Variants in MYO9B observed in about 807,000 individuals in gnomAD.
MYO9B encodes unconventional myosin-IXb.
MYO9B carries 71 observed loss-of-function variants against 229.5 expected under a neutral mutation model. That is an observed-to-expected ratio of 0.31 (90% confidence interval 0.26 to 0.38). The LOEUF (loss-of-function observed/expected upper bound fraction) is 0.38, where lower values mean the gene tolerates loss of function less well. Among genes scored for constraint, MYO9B ranks in the 10% least tolerant of loss-of-function variants. MYO9B has a pLI of 1.00. For synonymous variants in MYO9B, 1,185 were observed against 1,235.8 expected, an observed-to-expected ratio of 0.96 and a Z score of 0.86; for missense variants, 2,255 against 2,920.5, an observed-to-expected ratio of 0.77 and a Z score of 5.25.
At chr19:17,127,444 A>G (rs897751371) in intron 2 of MYO9B, among the ~76,000 whole-genome samples, 1 of 150,980 alleles carries the variant, frequency 6.6e-6, no homozygotes, top group African/African-American at 2.4e-5. Flanking sequence ...CTCCTGCCTC[A>G]GCCTCCCGAG....
chr19:17,133,125 C>T (rs184574158), intron 2 of MYO9B, among the ~76,000 whole-genome samples: 1 of 151,230 alleles, frequency 6.6e-6, no homozygotes, highest in East Asian at 2.0e-4. Flanking sequence ...GCATTACAGG[C>T]GTGAGCCACT....
intron 1 of MYO9B, among the ~76,000 whole-genome samples, chr19:17,090,099 A>G (rs2057622371): frequency 8.3e-6 from 1 of 120,308 alleles, no homozygotes; most frequent in African/African-American, 3.1e-5. Context: ...ACGTTATAGC[A>G]TGAATCGGTG....
chr19:17,162,004 A>G (rs1048726285), intron 8 of MYO9B, among the ~76,000 whole-genome samples: 3 of 151,124 alleles, frequency 2.0e-5, no homozygotes, highest in Non-Finnish European at 4.4e-5. Context: ...AAAAAAAAAA[A>G]AAGTACAAAG....
chr19:17,149,234 C>T (rs2072450410), intron 3 of MYO9B, among the ~76,000 whole-genome samples: 2 of 152,142 alleles, frequency 1.3e-5, no homozygotes, highest in Non-Finnish European at 2.9e-5. Context: ...CACCTTGGCC[C>T]CCCAAAGCTC....
chr19:17,131,975 G>A (rs61444454), intron 2 of MYO9B, among the ~76,000 whole-genome samples: 28,765 of 151,686 alleles, frequency 0.19, 2,966 homozygotes, highest in South Asian at 0.21. Flanking sequence ...AACCTCCTGG[G>A]CTCAAGTGAT....
intron 35 of MYO9B, 79 bp downstream of exon 35, chr19:17,207,323 GTAAA>G (rs2073173997): frequency 6.6e-7 from 1 of 1,516,542 alleles, no homozygotes; most frequent in Non-Finnish European, 8.9e-7. Flanking sequence ...CCATCCCTGT[GTAAA>G]TAAATGTGTA....
chr19:17,101,816 G>T lies in MYO9B; in HGVS notation c.99G>T (p.Ser33=). The T allele has an allele frequency of 1.2e-6, 2 of 1,608,322 alleles. No homozygotes were observed. The change falls in exon 2 of 40, where the codon TCG becomes TCT. Residue 33 remains serine (S), a synonymous_variant. Transcript: ENST00000682292. This position sits in a 1 kb window ranked among gnomAD's most constrained non-coding sequence, Gnocchi z 4.7. ...PQLSTTESQA[S]CRVTATKDST... ...TGTCCACCACCGAGAGCCAGGCCTC[G>T]TGCCGCGTGACTGCCACCAAGGACA...
At chr19:17,209,870 G>C (rs1485610766) in intron 36 of MYO9B, among the ~76,000 whole-genome samples, 161 bp downstream of exon 36, 2 of 152,112 alleles carry the variant, frequency 1.3e-5, no homozygotes, top group South Asian at 2.1e-4. Context: ...GGATGGGACC[G>C]GGTAGTGGGT....
chr19:17,153,963 G>C lies in MYO9B; in HGVS notation c.999-4G>C. 1.2e-6 allele frequency: 2 copies of C among 1,612,836 alleles called. No individual in the cohort carries two copies. Among genetic ancestry groups the C allele is most frequent in the Middle Eastern group, 1.6e-4 (1 of 6,062 alleles). On this transcript the variant is annotated splice_polypyrimidine_tract_variant and splice_region_variant and intron_variant, in intron 4 of 39. Coordinates refer to ENST00000682292, the MANE Select transcript of MYO9B (RefSeq NM_004145.4). The stretch of plus-strand genomic sequence containing the variant: ...ACTATTTTCCTCCCAATTTTGACCT[G>C]TAGGAACTACCATGTGTTTTATTAT...
chr19:17,208,868 G>A (rs2073192918), intron 35 of MYO9B, among the ~76,000 whole-genome samples: 1 of 151,840 alleles, frequency 6.6e-6, no homozygotes, highest in Non-Finnish European at 1.5e-5. Flanking sequence ...TCCAGACTGA[G>A]TCCCTCTGGT....
rs1357579042 is a variant in MYO9B, at chr19:17,127,114, C to T, written c.841-18283C>T. 8.5e-5 allele frequency among the ~76,000 whole-genome samples: 12 copies of T among 142,006 alleles called. No individual in the cohort carries two copies. In the East Asian group the frequency reaches 1.0e-3, roughly 12 times the overall value. 93.2% of individuals were successfully genotyped at this position (142,006 alleles called of 152,430 possible). A position where few individuals can be genotyped will look rare whatever the true frequency, so the allele number is the denominator to read the frequency against. On this transcript the variant is annotated intron_variant, in intron 2 of 39. Coordinates refer to ENST00000682292, the MANE Select transcript of MYO9B (RefSeq NM_004145.4). ...GCAACCTTTGCCTCCCAGGTTCAAGCGATTCTCCTGCCACAGCCTCCCAAG... is the reference window on the plus strand; with the variant it reads ...GCAACCTTTGCCTCCCAGGTTCAAGTGATTCTCCTGCCACAGCCTCCCAAG...
intron 1 of MYO9B, among the ~76,000 whole-genome samples, chr19:17,079,100 CATGG>C (rs1011400469): frequency 3.3e-5 from 5 of 152,204 alleles, no homozygotes; most frequent in African/African-American, 1.2e-4. Context: ...TGACTCCAGC[CATGG>C]CCACGTGTCC....
intron 4 of MYO9B, 77 bp from the exon 5 acceptor site, chr19:17,153,890 A>G (rs569650349): frequency 1.9e-6 from 2 of 1,037,986 alleles, no homozygotes; most frequent in Admixed American, 1.7e-5. Flanking sequence ...CTCCAAAGCC[A>G]TGTTAGTAGT....
Position 17,180,341 on chromosome 19 carries a change from A to ATTT in MYO9B, c.2220-563_2220-561dup, listed in dbSNP as rs776734202. 1.2e-3 allele frequency among the ~76,000 whole-genome samples: 107 copies of ATTT among 87,978 alleles called. 2 individuals are homozygous for ATTT. The highest frequency in any genetic ancestry group is 1.6e-3 in the Non-Finnish European group (76 of 48,442). 57.7% of individuals were successfully genotyped at this position (87,978 alleles called of 152,430 possible). On this transcript the variant is annotated intron_variant, in intron 14 of 39. Transcript: ENST00000682292. ...AAAGTGGAATGACCAGATGGAAATA[A>ATTT]TTTTTTTTTTTTTTTTTTTTTTTTT... is the stretch of plus-strand genomic sequence containing the variant.
In MYO9B at chr19:17,101,010, C is replaced by A. The variant is rs1026615384; in HGVS notation, c.-58-650C>A. 2.7e-5 allele frequency among the ~76,000 whole-genome samples: 4 copies of A among 149,982 alleles called. No individual in the cohort carries two copies. Among genetic ancestry groups the A allele is most frequent in the Non-Finnish European group, 4.4e-5 (3 of 67,734 alleles). ...GGGGAGGTTTATTCAGAGATGAGGTCAGGAAGGATGTGGGCTGGGAAGGGC... is the reference window on the plus strand; with the variant it reads ...GGGGAGGTTTATTCAGAGATGAGGTAAGGAAGGATGTGGGCTGGGAAGGGC... On this transcript the variant is annotated intron_variant, in intron 1 of 39. Transcript: ENST00000682292. The surrounding 1 kb of genome is among the most constrained non-coding windows in gnomAD (Gnocchi z 4.7).
intron 2 of MYO9B, among the ~76,000 whole-genome samples, chr19:17,120,694 C>T (rs1401365708): frequency 6.7e-6 from 1 of 149,986 alleles, no homozygotes; most frequent in Non-Finnish European, 1.5e-5. Flanking sequence ...ATGTATATCT[C>T]CTTTATGCTA....
Position 17,195,596 on chromosome 19 carries a change from TGA to T in MYO9B, c.4046+125_4046+126del. 1 of 1,272,236 alleles carries T rather than the reference TGA, an allele frequency of 7.9e-7. No individual in the cohort carries two copies. Among genetic ancestry groups the T allele is most frequent in the Non-Finnish European group, 1.1e-6 (1 of 929,406 alleles). The allele number at this position is 1,272,236 out of a possible 1,614,324, so 78.8% of individuals were successfully genotyped here. A position where few individuals can be genotyped will look rare whatever the true frequency, so the allele number is the denominator to read the frequency against. ...ATGCCCAGTGGGTGTGCGGGAGGCC[TGA>T]GGGAGGAGGACGAGCAGGACATGCT... On this transcript the variant is annotated intron_variant, in intron 22 of 39. Coordinates refer to ENST00000682292, the MANE Select transcript of MYO9B (RefSeq NM_004145.4). This position sits in a 1 kb window ranked among gnomAD's most constrained non-coding sequence, Gnocchi z 4.5.
At position 17,195,524 on chromosome 19, in the gene MYO9B, G is replaced by A. The variant is rs1261114959; in HGVS notation, c.4046+51G>A. On this transcript the variant is annotated intron_variant, in intron 22 of 39. Coordinates refer to ENST00000682292, the MANE Select transcript of MYO9B (RefSeq NM_004145.4). The surrounding 1 kb of genome is among the most constrained non-coding windows in gnomAD (Gnocchi z 4.5). ...GAGCACCAGGGTCCAGGCCAGGTGGGCAAGGCCAGGGGCAGTGCCACACAT... is the reference window on the plus strand; with the variant it reads ...GAGCACCAGGGTCCAGGCCAGGTGGACAAGGCCAGGGGCAGTGCCACACAT... 6 of 1,539,124 alleles carry A rather than the reference G, an allele frequency of 3.9e-6. No individual in the cohort carries two copies. The highest frequency in any genetic ancestry group is 5.2e-6 in the Non-Finnish European group (6 of 1,148,182).
chr19:17,161,377 G>C (rs1288014149), intron 8 of MYO9B, among the ~76,000 whole-genome samples: 2 of 152,158 alleles, frequency 1.3e-5, no homozygotes, highest in Non-Finnish European at 2.9e-5. Flanking sequence ...GATGAGTCGA[G>C]TGTTGACAGA....
Sources: gnomAD v4.1 joint callset for allele counts (sites outside exome capture counted in the v4.1 genomes callset) on GRCh38, gnomAD v4.1.1 for gene constraint, Gnocchi (gnomAD v3.1) non-coding constraint, MANE v1.5 for transcripts, NCBI Gene and HGNC (gene_info 2026-07-23, HGNC 2026-07-21) for gene names.